TAF4B: variants seen among roughly 807,000 people sequenced by gnomAD.
TAF4B encodes the protein transcription initiation factor TFIID subunit 4B.
Under a neutral mutation model 86.4 loss-of-function variants are expected in TAF4B, and 38 were observed. The ratio of observed to expected loss-of-function variants is 0.44; its 90% confidence interval spans 0.34 to 0.58. The LOEUF is 0.58. TAF4B is among the 20% of genes least tolerant of loss of function. The pLI is 0.02. For missense variants in TAF4B, 988 were observed against 1,027.6 expected, an observed-to-expected ratio of 0.96 and a Z score of 0.53; for synonymous variants, 388 against 391.2, an observed-to-expected ratio of 0.99 and a Z score of 0.10.
At chr18:26,266,612 A>T (rs1325732229) in intron 2 of TAF4B, among the ~76,000 whole-genome samples, 1 of 152,096 alleles carries the variant, frequency 6.6e-6, no homozygotes, top group African/African-American at 2.4e-5. Context: ...CTGTAATCCC[A>T]GCACTTTGGG....
At chr18:26,320,547 A>G (rs1054491147) in intron 10 of TAF4B, among the ~76,000 whole-genome samples, 1 of 152,224 alleles carries the variant, frequency 6.6e-6, no homozygotes, top group Non-Finnish European at 1.5e-5. Context: ...AAGTGAATAT[A>G]TCAGAACATC....
At chr18:26,237,080 A>T (rs1465617831) in intron 1 of TAF4B, among the ~76,000 whole-genome samples, 3 of 152,024 alleles carry the variant, frequency 2.0e-5, no homozygotes, top group African/African-American at 7.3e-5. Context: ...AGGTCAACAG[A>T]TGTTTGTGAC....
intron 3 of TAF4B, among the ~76,000 whole-genome samples, chr18:26,268,521 T>G (rs751066096): frequency 6.6e-6 from 1 of 152,220 alleles, no homozygotes; most frequent in Non-Finnish European, 1.5e-5. Flanking sequence ...CCCTGAGGGA[T>G]CTGTGGTCTT....
intron 5 of TAF4B, among the ~76,000 whole-genome samples, 179 bp downstream of exon 5, chr18:26,275,232 T>G (rs2056370416): frequency 6.6e-6 from 1 of 152,246 alleles, no homozygotes; most frequent in African/African-American, 2.4e-5. Flanking sequence ...CTAGGCTGAC[T>G]GCAACCTCTG....
intron 3 of TAF4B, among the ~76,000 whole-genome samples, chr18:26,272,406 C>G (rs1049703686): frequency 1.3e-5 from 2 of 152,018 alleles, no homozygotes; most frequent in Admixed American, 6.6e-5. Context: ...GCCCGCGGCA[C>G]AGGGGTTGGG....
chr18:26,258,051 T>C (rs1464702947), intron 1 of TAF4B, among the ~76,000 whole-genome samples: 1 of 152,074 alleles, frequency 6.6e-6, no homozygotes, highest in Non-Finnish European at 1.5e-5. Flanking sequence ...GTCAGGAGAC[T>C]GAGACCATCC....
At chr18:26,380,296 A>G (rs1388315334) in intron 14 of TAF4B, among the ~76,000 whole-genome samples, 2 of 152,166 alleles carry the variant, frequency 1.3e-5, no homozygotes, top group East Asian at 1.9e-4. Context: ...AAGCTATACA[A>G]TTCCATTTGT....
rs1978711208 is a variant in TAF4B, at chr18:26,391,547, C to T, written c.*1535C>T. ...GAGTACTTTAAGAAGAGATCTTTAT[C>T]CAAAGTTGTTTTTGTATATTTAAAT... On this transcript the variant is annotated 3_prime_UTR_variant, in exon 15 of 15. Coordinates refer to ENST00000269142, the MANE Select transcript of TAF4B (RefSeq NM_005640.3). The T allele has an allele frequency of 6.6e-6, 1 of 151,916 alleles. No individual in the cohort carries two copies. The highest frequency in any genetic ancestry group is 1.5e-5 in the Non-Finnish European group (1 of 67,980). The allele number at this position is 151,916 out of a possible 1,614,324, so 9.4% of individuals were successfully genotyped here.
intron 14 of TAF4B, among the ~76,000 whole-genome samples, chr18:26,374,929 A>T (rs180687854): frequency 1.1e-4 from 17 of 152,272 alleles, no homozygotes; most frequent in African/African-American, 4.1e-4. Context: ...ATCGAGATAT[A>T]ATTCATGTAC....
chr18:26,288,781 A>G (rs903922833), intron 7 of TAF4B, among the ~76,000 whole-genome samples: 3 of 152,206 alleles, frequency 2.0e-5, no homozygotes, highest in Non-Finnish European at 4.4e-5. Context: ...CTGTCTCATG[A>G]TAATATCTTG....
In TAF4B at chr18:26,285,901, G is replaced by A. The variant is rs1350198483; in HGVS notation, c.992G>A (p.Arg331Gln). 2 of 1,607,576 alleles carry A rather than the reference G, an allele frequency of 1.2e-6. No homozygotes were observed. Among genetic ancestry groups the A allele is most frequent in the East Asian group, 2.2e-5 (1 of 44,756 alleles). ...PFLKKSVVAL[R>Q]QLLPNSQSFI... ...TTCCAGAAAAGCGTGGTTGCCTTACGACAACTTCTGCCTAACTCCCAGAGC... is the reference window on the plus strand; with the variant it reads ...TTCCAGAAAAGCGTGGTTGCCTTACAACAACTTCTGCCTAACTCCCAGAGC... Residue 331 changes from arginine to glutamine, a missense_variant, in exon 7 of 15, where the codon CGA (arginine) becomes CAA (glutamine). By Grantham distance (43) the Arg-to-Gln change is conservative (BLOSUM62 1). Transcript: ENST00000269142.
At chr18:26,264,715 T>A (rs1404332163) in intron 1 of TAF4B, among the ~76,000 whole-genome samples, 1 of 152,254 alleles carries the variant, frequency 6.6e-6, no homozygotes, top group East Asian at 1.9e-4. Flanking sequence ...TCAAATTTTA[T>A]CTTTTTCGTA....
chr18:26,381,161 C>T (rs767876022), intron 14 of TAF4B, among the ~76,000 whole-genome samples: 1 of 151,882 alleles, frequency 6.6e-6, no homozygotes, highest in Non-Finnish European at 1.5e-5. Flanking sequence ...ACCACAGGCA[C>T]ACACCACCAC....
At chr18:26,324,562 A>G (rs1025828188) in intron 11 of TAF4B, among the ~76,000 whole-genome samples, 1 of 152,244 alleles carries the variant, frequency 6.6e-6, no homozygotes, top group Non-Finnish European at 1.5e-5. Flanking sequence ...CTTTTGTTGT[A>G]TATCAGTAGC....
chr18:26,229,494 CTTTTTTTTT>C (rs34261854), intron 1 of TAF4B, among the ~76,000 whole-genome samples: 1 of 129,376 alleles, frequency 7.7e-6, no homozygotes, highest in Non-Finnish European at 1.6e-5. Flanking sequence ...TTCTTTCTTT[CTTTTTTTTT>C]TTTTTTTTTC....
At chr18:26,259,445 C>A (rs1438236180) in intron 1 of TAF4B, among the ~76,000 whole-genome samples, 1 of 151,876 alleles carries the variant, frequency 6.6e-6, no homozygotes, top group Non-Finnish European at 1.5e-5. Context: ...CCTCCCACCC[C>A]GCGACAGGCC....
intron 11 of TAF4B, among the ~76,000 whole-genome samples, chr18:26,326,067 CG>C (rs2057001926): frequency 6.6e-6 from 1 of 152,108 alleles, no homozygotes; most frequent in Admixed American, 6.6e-5. Context: ...TAAAGACATT[CG>C]GTTTTTCTAC....
chr18:26,308,490 T>C (rs537906652), intron 9 of TAF4B, among the ~76,000 whole-genome samples: 2 of 152,314 alleles, frequency 1.3e-5, no homozygotes, highest in South Asian at 4.2e-4. Flanking sequence ...GCATATCTTA[T>C]TTATTTGTCA....
intron 14 of TAF4B, among the ~76,000 whole-genome samples, chr18:26,358,082 T>A (rs1237557244): frequency 6.6e-6 from 1 of 152,224 alleles, no homozygotes; most frequent in Non-Finnish European, 1.5e-5. Context: ...TTTATTTCTG[T>A]ACATTGTTTC....
Sources: gnomAD v4.1 joint callset for allele counts (sites outside exome capture counted in the v4.1 genomes callset) on GRCh38, gnomAD v4.1.1 for gene constraint, MANE v1.5 for transcripts, NCBI Gene and HGNC (gene_info 2026-07-23, HGNC 2026-07-21) for gene names.